TRIP13: variants seen among roughly 807,000 people sequenced by gnomAD.
TRIP13 encodes pachytene checkpoint protein 2 homolog.
TRIP13 carries 25 observed loss-of-function variants against 54.4 expected under a neutral mutation model. That is an observed-to-expected ratio of 0.46 (90% CI 0.33 to 0.64). The LOEUF is 0.64. Among genes scored for constraint, TRIP13 ranks in the 30% least tolerant of loss-of-function variants. The probability of loss-of-function intolerance (pLI) is 0.02; values close to 1 mark genes in which losing one functional copy is unlikely to be tolerated. For missense variants in TRIP13, 373 were observed against 534.2 expected (o/e 0.70, Z 2.97); for synonymous variants, 207 against 207.8 (o/e 1.00, Z 0.03).
intron 5 of TRIP13, among the ~76,000 whole-genome samples, chr5:902,669 A>G (rs955302570): frequency 4.8e-5 from 7 of 146,356 alleles, no homozygotes; most frequent in African/African-American, 1.9e-4. Flanking sequence ...CACAAGACAA[A>G]GAGATAAAAG....
chr5:900,578 C>T lies in TRIP13; in HGVS notation c.444+29C>T, dbSNP rs771494582. The T allele has an allele frequency of 3.7e-6, 6 of 1,606,200 alleles. No homozygotes were observed. In the African/African-American group the frequency reaches 6.7e-5, roughly 18 times the overall value. ...AGTTGCTGTGCCTTTTCCCAGAATG[C>T]CCTGTTATTTGAAGAGGAACCATTA... On this transcript the variant is annotated intron_variant, in intron 4 of 12. Transcript: ENST00000166345.
chr5:906,347 C>G (rs1754115235), intron 6 of TRIP13, among the ~76,000 whole-genome samples: 1 of 151,516 alleles, frequency 6.6e-6, no homozygotes, highest in East Asian at 1.9e-4. Flanking sequence ...CAAGACTTTT[C>G]CTCACTCTAT....
intron 2 of TRIP13, 113 bp downstream of exon 2, chr5:895,065 T>G (rs1753886380): frequency 3.3e-6 from 4 of 1,219,632 alleles, no homozygotes; most frequent in Non-Finnish European, 4.5e-6. Flanking sequence ...ACTTCTCTGT[T>G]GGTTTGGGTG....
chr5:893,036 C>T lies in TRIP13; in HGVS notation c.38C>T (p.Pro13Leu), dbSNP rs763402741. The T allele has an allele frequency of 1.5e-5, 24 of 1,596,602 alleles. No individual in the cohort carries two copies. The highest frequency in any genetic ancestry group is 5.1e-5 in the Admixed American group (3 of 58,696). ...EAVGDLKQAL[P>L]CVAESPTVHV... ...GTGGGCGACCTGAAGCAGGCGCTTC[C>T]CTGTGTGGCCGAGTCGCCAACGGTC... Residue 13 changes from proline (P) to leucine (L), a missense_variant, in exon 1 of 13, where the codon CCC (proline) becomes CTC (leucine). Physicochemically the swap from Pro to Leu is moderately conservative, Grantham distance 98 (BLOSUM62 -3). Transcript: ENST00000166345.
rs979625552 is a variant in TRIP13 at position 911,309 on chromosome 5, C to T, written c.867-534C>T. Among the ~76,000 whole-genome samples the T allele has an allele frequency of 6.6e-6, 1 of 152,166 alleles. No individual in the cohort carries two copies. The highest frequency in any genetic ancestry group is 2.4e-5 in the African/African-American group (1 of 41,442). ...TTGCTAGGCCGGGCGCGGTGGCTTA[C>T]GCCTGTAATCCCAGCACTTTGGGAG... On this transcript the variant is annotated intron_variant, in intron 9 of 12. Transcript: ENST00000166345. This position sits in a 1 kb window ranked among gnomAD's most constrained non-coding sequence, Gnocchi z 4.7.
At chr5:910,421 G>C (rs1218820617) in intron 9 of TRIP13, among the ~76,000 whole-genome samples, 1 of 152,146 alleles carries the variant, frequency 6.6e-6, no homozygotes, top group African/African-American at 2.4e-5. Context: ...TCCCAGACCT[G>C]CACATCCACC....
chr5:917,085 G>T lies in TRIP13; in HGVS notation c.1281G>T (p.Lys427Asn). Reference sequence around the variant, plus strand: ...ACAAGCAGTTTGAAGAGAGAAAGAAGCTTGCAGCTTACATCTGATCCTGGG... The same window carrying T: ...ACAAGCAGTTTGAAGAGAGAAAGAATCTTGCAGCTTACATCTGATCCTGGG... ...AVDKQFEERK[K>N]LAAYI The change falls in exon 13 of 13, where the codon AAG becomes AAT. Residue 427 changes from lysine to asparagine, a missense_variant. By Grantham distance (94) the Lys-to-Asn change is moderately conservative (BLOSUM62 0). Around this residue, in one of 4 missense-constraint regions of TRIP13, gnomAD observed 101 missense variants for 138.5 expected, o/e 0.73. Coordinates refer to ENST00000166345, the MANE Select transcript of TRIP13 (RefSeq NM_004237.4). 2 of 1,614,092 alleles carry T rather than the reference G, an allele frequency of 1.2e-6. No individual in the cohort carries two copies. The highest frequency in any genetic ancestry group is 2.2e-5 in the South Asian group (2 of 91,068).
intron 2 of TRIP13, 34 bp from the exon 3 acceptor site, chr5:896,631 A>G: frequency 3.8e-6 from 6 of 1,588,092 alleles, no homozygotes; most frequent in Non-Finnish European, 5.2e-6. Context: ...AGAGTTGGAA[A>G]TGTGTGTCGA....
At chr5:916,179 T>TG in intron 12 of TRIP13, among the ~76,000 whole-genome samples, 1 of 152,300 alleles carries the variant, frequency 6.6e-6, no homozygotes, top group South Asian at 2.1e-4. Context: ...CTGTGCCACA[T>TG]GCCTCTGCTC....
chr5:901,000 G>A (rs767348245), intron 4 of TRIP13, among the ~76,000 whole-genome samples: 6 of 152,222 alleles, frequency 3.9e-5, no homozygotes, highest in East Asian at 1.9e-4. Flanking sequence ...GTTATTTTGC[G>A]AATAATAACT....
intron 12 of TRIP13, 40 bp from the exon 13 acceptor site, chr5:916,968 G>A (rs370733151): frequency 2.6e-5 from 42 of 1,596,306 alleles, no homozygotes; most frequent in Non-Finnish European, 3.2e-5. Context: ...CCCACCAAAC[G>A]TGAGTTGAGC....
chr5:909,930 A>G (rs1754195796), intron 9 of TRIP13, among the ~76,000 whole-genome samples: 1 of 152,244 alleles, frequency 6.6e-6, no homozygotes, highest in South Asian at 2.1e-4. Flanking sequence ...TGGTAAACCG[A>G]CAACCTTCTA....
At chr5:904,047 C>A in intron 5 of TRIP13, 101 bp from the exon 6 acceptor site, 1 of 1,066,698 alleles carries the variant, frequency 9.4e-7, no homozygotes, top group South Asian at 1.6e-5. Context: ...TAGCTTTTAA[C>A]TGTATTCCTT....
chr5:900,074 A>G (rs1445938170), intron 3 of TRIP13, among the ~76,000 whole-genome samples: 1 of 152,276 alleles, frequency 6.6e-6, no homozygotes, highest in Admixed American at 6.5e-5. Flanking sequence ...ATGATCATAA[A>G]TTTTATAATG....
Position 901,194 on chromosome 5 carries a change from G to A in TRIP13, c.445-147G>A, listed in dbSNP as rs932027552. On this transcript the variant is annotated intron_variant, in intron 4 of 12. Transcript: ENST00000166345. ...GCACCTTCTCTTCTGAAATGAAAGC[G>A]TTTGGAGGTGATGATCTCTTAGGAG... The A allele has an allele frequency of 7.5e-5, 43 of 576,932 alleles. 1 individual carries two copies. The East Asian group carries it at 1.2e-3, about 16-fold the overall frequency. 35.7% of individuals were successfully genotyped at this position (576,932 alleles called of 1,614,324 possible).
rs369011656 is a variant in TRIP13, at chr5:901,397, C to T, written c.501C>T (p.Asn167=). The part of the protein sequence containing the change: ...LLFSDKNVNS[N]LITWNRVVLL... ...TTTCAGACAAGAACGTCAACAGCAA[C>T]CTCATCACCTGGAACCGGGTGGTGC... Residue 167 remains asparagine, a synonymous_variant, in exon 5 of 13, where the codon AAC becomes AAT. Transcript: ENST00000166345. The T allele has an allele frequency of 5.0e-6, 8 of 1,614,054 alleles. No homozygotes were observed. Among genetic ancestry groups the T allele is most frequent in the Non-Finnish European group, 6.8e-6 (8 of 1,180,020 alleles).
At chr5:896,329 T>TA (rs772932384) in intron 2 of TRIP13, among the ~76,000 whole-genome samples, 25 of 150,840 alleles carry the variant, frequency 1.7e-4, no homozygotes, top group East Asian at 9.7e-4. Flanking sequence ...ATAAGTTAAT[T>TA]AAAAAAAAAC....
At chr5:897,150 G>A (rs566018548) in intron 3 of TRIP13, among the ~76,000 whole-genome samples, 1 of 150,466 alleles carries the variant, frequency 6.6e-6, no homozygotes, top group Non-Finnish European at 1.5e-5. Context: ...GCTTCATTCA[G>A]TCAGTGTGTG....
intron 6 of TRIP13, among the ~76,000 whole-genome samples, chr5:906,763 TG>T (rs1754123717): frequency 6.6e-6 from 1 of 152,164 alleles, no homozygotes; most frequent in Non-Finnish European, 1.5e-5. Flanking sequence ...TAGGGTTCTG[TG>T]GAAGGAGGGG....
Sources: allele counts gnomAD v4.1 joint callset (sites outside exome capture counted in the v4.1 genomes callset), GRCh38; gene constraint gnomAD v4.1.1; regional missense constraint gnomAD v4.1.1; non-coding constraint Gnocchi (gnomAD v3.1); transcripts MANE v1.5; gene names NCBI Gene and HGNC (gene_info 2026-07-23, HGNC 2026-07-21).